ORC1: variants seen among roughly 807,000 people sequenced by gnomAD.
ORC1 encodes origin recognition complex subunit 1.
Under a neutral mutation model 98.9 loss-of-function variants are expected in ORC1, and 61 were observed. The observed-to-expected ratio is 0.62, with a 90% CI of 0.50 to 0.76. ORC1 has a LOEUF of 0.76. Among genes scored for constraint, ORC1 ranks in the 30% least tolerant of loss-of-function variants. The pLI, the probability that ORC1 is intolerant of heterozygous loss-of-function variation, is 0.00. For synonymous variants in ORC1, 385 were observed against 406.9 expected (o/e 0.95, Z 0.65); for missense variants, 979 against 1,072.2 (o/e 0.91, Z 1.21).
intron 8 of ORC1, among the ~76,000 whole-genome samples, chr1:52,386,906 G>A (rs548363581): frequency 7.4e-4 from 113 of 152,068 alleles, no homozygotes; most frequent in Non-Finnish European, 1.2e-3. Context: ...AGTTGAGATT[G>A]CACCACTGCA....
intron 8 of ORC1, among the ~76,000 whole-genome samples, chr1:52,386,234 A>C (rs980305937): frequency 3.3e-5 from 5 of 152,252 alleles, no homozygotes; most frequent in African/African-American, 1.2e-4. Context: ...AATACTATTT[A>C]AAAGTAAAAT....
chr1:52,383,288 A>G, intron 13 of ORC1, 132 bp downstream of exon 13: 1 of 980,440 alleles, frequency 1.0e-6, no homozygotes, highest in Non-Finnish European at 1.6e-6. Context: ...ACCTCAAGTG[A>G]TCCGCCCGCC....
chr1:52,395,269 T>C (rs1647341340), intron 5 of ORC1, among the ~76,000 whole-genome samples: 2 of 152,088 alleles, frequency 1.3e-5, no homozygotes, highest in African/African-American at 4.8e-5. Context: ...TAAAAATATA[T>C]GTGTGTCTGC....
At chr1:52,389,793 G>T (rs200849275) in intron 6 of ORC1, among the ~76,000 whole-genome samples, 1 of 152,128 alleles carries the variant, frequency 6.6e-6, no homozygotes, top group African/African-American at 2.4e-5. Flanking sequence ...ATTTTTATTT[G>T]TACAGCAAAG....
intron 1 of ORC1, among the ~76,000 whole-genome samples, chr1:52,403,035 C>T (rs1046422367): frequency 1.3e-5 from 2 of 152,240 alleles, no homozygotes; most frequent in African/African-American, 4.8e-5. Flanking sequence ...CTTCACCTTA[C>T]AACACACTGT....
intron 14 of ORC1, among the ~76,000 whole-genome samples, chr1:52,380,763 T>C (rs1647059318): frequency 6.6e-6 from 1 of 151,090 alleles, no homozygotes; most frequent in South Asian, 2.1e-4. Context: ...TTAGATAGTC[T>C]AGATAGATAG....
At chr1:52,391,732 C>A (rs753476800) in intron 6 of ORC1, among the ~76,000 whole-genome samples, 2 of 151,926 alleles carry the variant, frequency 1.3e-5, no homozygotes, top group Non-Finnish European at 2.9e-5. Flanking sequence ...AATCCCACCT[C>A]TACTAAAATA....
upstream of ORC1, among the ~76,000 whole-genome samples, chr1:52,407,249 C>A (rs144774254): frequency 1.2e-3 from 189 of 152,344 alleles, no homozygotes; most frequent in African/African-American, 4.3e-3. Context: ...GATCTCCTGA[C>A]CCGGTGACCC....
chr1:52,396,551 CTGAG>C (rs537390106), intron 4 of ORC1, among the ~76,000 whole-genome samples, 187 bp from the exon 5 acceptor site: 1 of 152,150 alleles, frequency 6.6e-6, no homozygotes, highest in Non-Finnish European at 1.5e-5. Context: ...TGAATATTTA[CTGAG>C]TATTTACTCA....
intron 6 of ORC1, among the ~76,000 whole-genome samples, chr1:52,390,493 A>C (rs1332854865): frequency 6.6e-6 from 1 of 152,220 alleles, no homozygotes; most frequent in Non-Finnish European, 1.5e-5. Flanking sequence ...TTGGCAAGCC[A>C]CATGTAGAAG....
chr1:52,400,802 C>T (rs1327159695), intron 3 of ORC1, among the ~76,000 whole-genome samples: 4 of 152,168 alleles, frequency 2.6e-5, no homozygotes, highest in African/African-American at 4.8e-5. Context: ...TAGGGGCAGC[C>T]GTGGCTTCCT....
chr1:52,383,292 G>A (rs977789974), intron 13 of ORC1, 128 bp downstream of exon 13: 66 of 1,029,114 alleles, frequency 6.4e-5, no homozygotes, highest in African/African-American at 1.4e-4. Flanking sequence ...CAAGTGATCC[G>A]CCCGCCTTGG....
chr1:52,393,289 G>T (rs111499945), intron 6 of ORC1, among the ~76,000 whole-genome samples, 154 bp downstream of exon 6: 1,889 of 152,282 alleles, frequency 0.012, 34 homozygotes, highest in African/African-American at 0.043. Flanking sequence ...CTAGGTGTGG[G>T]AAGAGGCCTA....
upstream of ORC1, chr1:52,405,590 AT>A: frequency 8.5e-7 from 1 of 1,178,904 alleles, no homozygotes; most frequent in Non-Finnish European, 1.2e-6. Flanking sequence ...CTGTTGATGT[AT>A]ATTTAGGAGA....
chr1:52,403,626 C>G (rs899680487), intron 1 of ORC1, among the ~76,000 whole-genome samples: 1 of 152,114 alleles, frequency 6.6e-6, no homozygotes, highest in African/African-American at 2.4e-5. Flanking sequence ...GATAAGAATG[C>G]CTTTTCCAAC....
intron 11 of ORC1, 83 bp from the exon 12 acceptor site, chr1:52,384,020 G>A: frequency 8.7e-7 from 1 of 1,143,116 alleles, no homozygotes; most frequent in Non-Finnish European, 1.3e-6. Context: ...AATGGAGGGA[G>A]GCATTTAACC....
In ORC1 at chr1:52,383,422, G is replaced by C. The variant is rs1369137405; in HGVS notation, c.2011C>G (p.Leu671Val). The part of the protein sequence containing the change: ...RIMMNRVSSR[L>V]GLTRMCFQPY... ...ATGGGAACTGCCCTAGAACCTACCA[G>C]TCGGCTGGACACCCGGTTCATCATG... is the stretch of plus-strand genomic sequence containing the variant. The change falls in exon 13 of 17, where the codon CTG becomes GTG. Residue 671 changes from leucine to valine, a missense_variant and splice_region_variant. Physicochemically the swap from Leu to Val is conservative, Grantham distance 32 (BLOSUM62 1). Coordinates refer to ENST00000371568, the MANE Select transcript of ORC1 (RefSeq NM_004153.4). 6.2e-7 allele frequency: 1 copy of C among 1,612,336 alleles called. No individual in the cohort carries two copies. Among genetic ancestry groups the C allele is most frequent in the Non-Finnish European group, 8.5e-7 (1 of 1,180,030 alleles).
chr1:52,391,199 C>T (rs1192991297), intron 6 of ORC1, among the ~76,000 whole-genome samples: 2 of 151,100 alleles, frequency 1.3e-5, no homozygotes, highest in Non-Finnish European at 2.9e-5. Context: ...GTCCCAGCTA[C>T]TCAGGAGGCT....
At chr1:52,391,231 C>A (rs1647206203) in intron 6 of ORC1, among the ~76,000 whole-genome samples, 1 of 151,168 alleles carries the variant, frequency 6.6e-6, no homozygotes, top group Admixed American at 6.6e-5. Context: ...ATTGCTTGAA[C>A]CCGGGAGGCA....
Sources: allele counts gnomAD v4.1 joint callset (sites outside exome capture counted in the v4.1 genomes callset), GRCh38; gene constraint gnomAD v4.1.1; transcripts MANE v1.5; gene names NCBI Gene and HGNC (gene_info 2026-07-23, HGNC 2026-07-21).